NELL1: variants seen among roughly 807,000 people sequenced by gnomAD.
The protein encoded by NELL1 is neural EGFL like 1.
In NELL1, 76 loss-of-function variants were observed where a neutral mutation model predicts 107.4. The observed-to-expected ratio is 0.71, with a 90% CI of 0.59 to 0.86. The LOEUF is 0.86. Among genes scored for constraint, NELL1 ranks in the 40% least tolerant of loss-of-function variants. The probability of loss-of-function intolerance (pLI) is 0.00; values close to 1 mark genes in which losing one functional copy is unlikely to be tolerated. For synonymous variants in NELL1, 353 were observed against 341.2 expected, an observed-to-expected ratio of 1.03 and a Z score of -0.38; for missense variants, 1,024 against 1,005.5, an observed-to-expected ratio of 1.02 and a Z score of -0.25.
intron 14 of NELL1, among the ~76,000 whole-genome samples, chr11:21,291,879 C>G (rs1017925892): frequency 3.3e-5 from 5 of 152,278 alleles, no homozygotes; most frequent in South Asian, 2.1e-4. Flanking sequence ...CTCAACACCC[C>G]TTCATGCTAA....
rs149915454 is a variant in NELL1, at chr11:21,474,112, C to T, written c.1646-60262C>T. 1.4e-4 allele frequency among the ~76,000 whole-genome samples: 21 copies of T among 152,142 alleles called. No individual in the cohort carries two copies. The East Asian group carries it at 3.9e-3, about 28-fold the overall frequency. On this transcript the variant is annotated intron_variant, in intron 15 of 19. Coordinates refer to ENST00000357134, the MANE Select transcript of NELL1 (RefSeq NM_006157.5). ...CCTATGAGATTCTGCATAATCTGAC[C>T]TCTGCTTGCTTTCCTCTTTCCCCTC...
chr11:21,292,281 C>T (rs980693407), intron 14 of NELL1, among the ~76,000 whole-genome samples: 6 of 152,084 alleles, frequency 3.9e-5, no homozygotes, highest in African/African-American at 1.4e-4. Context: ...TACTATACAC[C>T]AGTAATAGAC....
At chr11:20,917,618 T>A (rs898448275) in intron 5 of NELL1, among the ~76,000 whole-genome samples, 13 of 151,984 alleles carry the variant, frequency 8.6e-5, no homozygotes, top group African/African-American at 2.9e-4. Flanking sequence ...CCCTGATGAC[T>A]TTCTTAAATT....
chr11:21,492,174 G>T (rs1854838890), intron 15 of NELL1, among the ~76,000 whole-genome samples: 1 of 152,126 alleles, frequency 6.6e-6, no homozygotes, highest in Non-Finnish European at 1.5e-5. Context: ...TCAGAGAAAT[G>T]CAAATCAAAT....
chr11:21,331,307 G>A (rs1265164454), intron 14 of NELL1, among the ~76,000 whole-genome samples: 5 of 151,682 alleles, frequency 3.3e-5, no homozygotes, highest in Non-Finnish European at 7.4e-5. Context: ...TAGAACAGTA[G>A]GCATTTTAGA....
chr11:21,179,555 A>C (rs1360507910), intron 13 of NELL1, among the ~76,000 whole-genome samples: 1 of 151,904 alleles, frequency 6.6e-6, no homozygotes, highest in East Asian at 1.9e-4. Flanking sequence ...CAAGCGCCAA[A>C]ATATATAAAA....
intron 7 of NELL1, among the ~76,000 whole-genome samples, chr11:20,922,138 C>T (rs949491049): frequency 1.3e-5 from 2 of 151,988 alleles, no homozygotes; most frequent in African/African-American, 4.8e-5. Context: ...TAGGGGTTTG[C>T]TTTAAGGTAC....
intron 13 of NELL1, among the ~76,000 whole-genome samples, chr11:21,146,132 T>A (rs1414486219): frequency 6.6e-6 from 1 of 152,154 alleles, no homozygotes; most frequent in African/African-American, 2.4e-5. Context: ...GAGGATTAAA[T>A]TATGTAATGT....
intron 12 of NELL1, among the ~76,000 whole-genome samples, chr11:20,966,520 A>C (rs1851390010): frequency 6.6e-6 from 1 of 152,082 alleles, no homozygotes; most frequent in African/African-American, 2.4e-5. Context: ...AGAATGCTTG[A>C]GATAAGAATA....
At chr11:21,109,054 T>G (rs922057198) in intron 12 of NELL1, among the ~76,000 whole-genome samples, 1 of 152,046 alleles carries the variant, frequency 6.6e-6, no homozygotes, top group Non-Finnish European at 1.5e-5. Flanking sequence ...AGACCCAGGT[T>G]TCTATGCTTA....
At chr11:21,308,288 A>G (rs764325688) in intron 14 of NELL1, among the ~76,000 whole-genome samples, 46 of 152,032 alleles carry the variant, frequency 3.0e-4, no homozygotes, top group Non-Finnish European at 5.6e-4. Context: ...AAGAAAACTC[A>G]CTAGATTTGA....
intron 3 of NELL1, among the ~76,000 whole-genome samples, chr11:20,784,317 C>T (rs1173577086): frequency 2.0e-5 from 3 of 152,140 alleles, no homozygotes; most frequent in Non-Finnish European, 1.5e-5. Context: ...AAGGTAAGAG[C>T]AGTCATTCTG....
At position 20,753,298 on chromosome 11, in the gene NELL1, A is replaced by G. The variant is rs77810643; in HGVS notation, c.185-30382A>G. ...AGAAATTTTGTATTCCAAAAAGCAT[A>G]GGATAGCAGAGCCTAGTGATCTTAA... On this transcript the variant is annotated intron_variant, in intron 2 of 19. Transcript: ENST00000357134. 7.8e-3 allele frequency among the ~76,000 whole-genome samples: 1,194 copies of G among 152,372 alleles called. 11 individuals carry two copies. The highest frequency in any genetic ancestry group is 0.027 in the African/African-American group (1,143 of 41,588).
intron 14 of NELL1, among the ~76,000 whole-genome samples, chr11:21,270,408 TC>T (rs1285102485): frequency 6.6e-6 from 1 of 152,070 alleles, no homozygotes; most frequent in Non-Finnish European, 1.5e-5. Context: ...ACAACAGACT[TC>T]AAAGCAAGAA....
chr11:21,175,613 T>A (rs373090388), intron 13 of NELL1, among the ~76,000 whole-genome samples: 70 of 152,012 alleles, frequency 4.6e-4, no homozygotes, highest in Middle Eastern at 3.4e-3. Flanking sequence ...ACAAATGGGT[T>A]GCTACATAGG....
At chr11:21,419,993 G>T (rs767411124) in intron 15 of NELL1, among the ~76,000 whole-genome samples, 1 of 151,838 alleles carries the variant, frequency 6.6e-6, no homozygotes, top group Non-Finnish European at 1.5e-5. Flanking sequence ...CATCTTATCT[G>T]CCTCTGTGTT....
Position 20,755,865 on chromosome 11 carries a change from G to GT in NELL1, c.185-27772dup, listed in dbSNP as rs574606148. Among the ~76,000 whole-genome samples the GT allele has an allele frequency of 4.0e-3, 493 of 121,960 alleles. 10 individuals carry two copies. The highest frequency in any genetic ancestry group is 6.5e-3 in the Non-Finnish European group (384 of 59,372). The allele number at this position is 121,960 out of a possible 152,430, so 80.0% of individuals were successfully genotyped here. On this transcript the variant is annotated intron_variant, in intron 2 of 19. Transcript: ENST00000357134. Reference sequence around the variant, plus strand: ...GCCACCACGCCCAGCCAGACCTGCGGTTTTTTTTTTTTTTTTTTTTTTTTT... The same window carrying GT: ...GCCACCACGCCCAGCCAGACCTGCGGTTTTTTTTTTTTTTTTTTTTTTTTTT...
chr11:21,539,822 A>C (rs1856246702), intron 16 of NELL1, among the ~76,000 whole-genome samples: 1 of 151,630 alleles, frequency 6.6e-6, no homozygotes, highest in South Asian at 2.1e-4. Flanking sequence ...GAAAACAGGA[A>C]TGCCTGTTCC....
At chr11:21,141,075 ATT>A (rs763162734) in intron 13 of NELL1, among the ~76,000 whole-genome samples, 37 of 152,314 alleles carry the variant, frequency 2.4e-4, no homozygotes, top group Non-Finnish European at 1.6e-4. Flanking sequence ...AAAATGGTCA[ATT>A]TTATGGTTTT....
Sources: allele counts gnomAD v4.1 joint callset (sites outside exome capture counted in the v4.1 genomes callset), GRCh38; gene constraint gnomAD v4.1.1; transcripts MANE v1.5; gene names NCBI Gene and HGNC (gene_info 2026-07-23, HGNC 2026-07-21).